ERC1: variants seen among roughly 807,000 people sequenced by gnomAD.
ERC1 encodes the protein RAB6 interacting protein 2.
In ERC1, 56 loss-of-function variants were observed where a neutral mutation model predicts 132.0. The observed-to-expected ratio is 0.42, with a 90% CI of 0.34 to 0.53. The LOEUF is 0.53. Ranked by LOEUF, ERC1 falls within the 20% of genes least tolerant of loss-of-function variation. ERC1 has a pLI of 0.03. For synonymous variants in ERC1, 478 were observed against 476.1 expected (o/e 1.00, Z -0.05); for missense variants, 1,202 against 1,349.9 (o/e 0.89, Z 1.72).
intron 16 of ERC1, among the ~76,000 whole-genome samples, chr12:1,402,220 T>A (rs2091127382): frequency 6.6e-6 from 1 of 152,116 alleles, no homozygotes; most frequent in Non-Finnish European, 1.5e-5. Flanking sequence ...TTTATACTCT[T>A]AACACATATA....
chr12:1,136,849 T>C (rs1410197562), intron 7 of ERC1, among the ~76,000 whole-genome samples: 1 of 152,142 alleles, frequency 6.6e-6, no homozygotes, highest in East Asian at 1.9e-4. Flanking sequence ...TTGTATCTAG[T>C]GATGTTCTCT....
At chr12:1,292,369 A>G (rs1375922239) in intron 15 of ERC1, among the ~76,000 whole-genome samples, 1 of 152,216 alleles carries the variant, frequency 6.6e-6, no homozygotes, top group African/African-American at 2.4e-5. Context: ...ACCAACGAGT[A>G]GAAGTTAAAT....
intron 14 of ERC1, among the ~76,000 whole-genome samples, chr12:1,275,524 T>G (rs1157925104): frequency 6.6e-5 from 10 of 151,998 alleles, no homozygotes; most frequent in Admixed American, 6.6e-4. Flanking sequence ...TGAGGACATG[T>G]TAGGAAAACA....
intron 3 of ERC1, among the ~76,000 whole-genome samples, chr12:1,093,957 C>CTATATAAATATATATA (rs1943619215): frequency 1.5e-5 from 1 of 68,910 alleles, no homozygotes; most frequent in Non-Finnish European, 2.9e-5. Context: ...ATATATTTTT[C>CTATATAAATATATATA]TATATATATA....
chr12:1,389,743 A>G (rs1392202408), intron 16 of ERC1, among the ~76,000 whole-genome samples: 1 of 152,250 alleles, frequency 6.6e-6, no homozygotes, highest in African/African-American at 2.4e-5. Flanking sequence ...TGAATACTCC[A>G]AAGAGTTAAC....
At chr12:1,161,575 G>A (rs1017671503) in intron 8 of ERC1, among the ~76,000 whole-genome samples, 2 of 152,080 alleles carry the variant, frequency 1.3e-5, no homozygotes, top group Non-Finnish European at 2.9e-5. Flanking sequence ...CATCTTTATT[G>A]ACCTGTTAAT....
chr12:1,376,219 A>G (rs957470263), intron 16 of ERC1, among the ~76,000 whole-genome samples: 51 of 152,218 alleles, frequency 3.4e-4, no homozygotes, highest in African/African-American at 1.1e-3. Flanking sequence ...GTTCTTTTTA[A>G]TGATATGACT....
At chr12:1,188,683 G>C (rs967463418) in intron 11 of ERC1, among the ~76,000 whole-genome samples, 5 of 152,100 alleles carry the variant, frequency 3.3e-5, no homozygotes, top group Non-Finnish European at 2.9e-5. Flanking sequence ...TAAAAGTATA[G>C]CTGTTACTTT....
At chr12:1,240,367 A>G (rs1162451164) in intron 13 of ERC1, among the ~76,000 whole-genome samples, 1 of 152,142 alleles carries the variant, frequency 6.6e-6, no homozygotes, top group African/African-American at 2.4e-5. Context: ...GCATGTTTGA[A>G]ATTGTCCCTA....
chr12:1,449,423 C>CCAGTG (rs1267864901), intron 18 of ERC1, among the ~76,000 whole-genome samples: 2 of 152,144 alleles, frequency 1.3e-5, no homozygotes. Context: ...TGGGAGGCAC[C>CCAGTG]CAGTGGGAGG....
At position 1,371,951 on chromosome 12, in the gene ERC1, C is replaced by A. The variant is rs947043181; in HGVS notation, c.2899C>A (p.Arg967Ser). 6.2e-7 allele frequency: 1 copy of A among 1,613,956 alleles called. No homozygotes were observed. Among genetic ancestry groups the A allele is most frequent in the Non-Finnish European group, 8.5e-7 (1 of 1,180,022 alleles). ...GGCTGCCCTGAAGCGGGAGAAGGAT[C>A]GTCTGGTACAGCAGCTTAAGCAGCA... ...EVAALKREKD[R>S]LVQQLKQQTQ... Residue 967 changes from arginine to serine, a missense_variant, in exon 16 of 19, where the codon CGT (arginine) becomes AGT (serine). By Grantham distance (110) the Arg-to-Ser change is moderately radical. Coordinates refer to ENST00000360905, the MANE Select transcript of ERC1 (RefSeq NM_178040.4).
intron 8 of ERC1, among the ~76,000 whole-genome samples, chr12:1,164,323 T>G (rs1327004760): frequency 2.1e-5 from 3 of 144,710 alleles, no homozygotes; most frequent in African/African-American, 7.5e-5. Context: ...TTTTATTTTG[T>G]TATTTTATTT....
chr12:1,214,644 A>G (rs1397549845), intron 12 of ERC1, among the ~76,000 whole-genome samples: 1 of 146,234 alleles, frequency 6.8e-6, no homozygotes, highest in African/African-American at 2.7e-5. Flanking sequence ...TATAAAACAT[A>G]AATATGCGTG....
intron 12 of ERC1, among the ~76,000 whole-genome samples, chr12:1,217,369 A>G (rs1958524919): frequency 6.6e-6 from 1 of 152,196 alleles, no homozygotes; most frequent in South Asian, 2.1e-4. Context: ...TTATCTTTAC[A>G]CAGTTTGGGA....
At chr12:1,488,349 C>G (rs867825454) in intron 18 of ERC1, among the ~76,000 whole-genome samples, 1 of 151,988 alleles carries the variant, frequency 6.6e-6, no homozygotes, top group Non-Finnish European at 1.5e-5. Context: ...AGTTAGAACA[C>G]CTAATATTTG....
intron 12 of ERC1, among the ~76,000 whole-genome samples, chr12:1,205,896 C>T (rs185750841): frequency 1.1e-4 from 17 of 152,194 alleles, no homozygotes; most frequent in Admixed American, 1.0e-3. Context: ...ACTGGTTTTG[C>T]TCTCAGTCTC....
At chr12:1,065,606 G>A (rs966740390) in intron 2 of ERC1, among the ~76,000 whole-genome samples, 1 of 132,170 alleles carries the variant, frequency 7.6e-6, no homozygotes, top group East Asian at 2.4e-4. Flanking sequence ...GGCGGGGGGG[G>A]ACGGATTTCT....
At chr12:1,456,464 C>A (rs1260196237) in intron 18 of ERC1, among the ~76,000 whole-genome samples, 2 of 151,984 alleles carry the variant, frequency 1.3e-5, no homozygotes, top group Admixed American at 1.3e-4. Flanking sequence ...TAGCTGCAAT[C>A]TTGTCAAGTT....
chr12:1,318,840 T>G (rs1032243316), intron 15 of ERC1, among the ~76,000 whole-genome samples: 4 of 151,732 alleles, frequency 2.6e-5, no homozygotes, highest in African/African-American at 9.7e-5. Context: ...CGGTGAGGCC[T>G]CCACAGAGAT....
Sources: gnomAD v4.1 joint callset for allele counts (sites outside exome capture counted in the v4.1 genomes callset) on GRCh38, gnomAD v4.1.1 for gene constraint, MANE v1.5 for transcripts, NCBI Gene and HGNC (gene_info 2026-07-23, HGNC 2026-07-21) for gene names.